The following CHIC1 variants were observed in gnomAD, a reference collection of about 807,000 sequenced individuals.
CHIC1 encodes the protein cysteine-rich hydrophobic domain-containing protein 1.
CHIC1 carries 7 observed loss-of-function variants against 18.5 expected under a neutral mutation model. That is an observed-to-expected ratio of 0.38 (90% CI 0.22 to 0.71). The LOEUF is 0.71. Among genes scored for constraint, CHIC1 ranks in the 30% least tolerant of loss-of-function variants. The pLI, the probability that CHIC1 is intolerant of heterozygous loss-of-function variation, is 0.49. For synonymous variants in CHIC1, 77 were observed against 73.5 expected, an observed-to-expected ratio of 1.05 and a Z score of -0.25; for missense variants, 159 against 176.9, an observed-to-expected ratio of 0.90 and a Z score of 0.57.
chrX:73,668,204 C>T (rs1279988145), intron 3 of CHIC1, among the ~76,000 whole-genome samples: 1 of 112,016 alleles, frequency 8.9e-6, no homozygotes, highest in Non-Finnish European at 1.9e-5. Flanking sequence ...TTTTTCAGGT[C>T]TAACATGTCA....
chrX:73,678,515 C>T (rs1346686224), intron 3 of CHIC1, among the ~76,000 whole-genome samples: 1 of 111,754 alleles, frequency 8.9e-6, no homozygotes, highest in African/African-American at 3.3e-5. Flanking sequence ...GGGGGGAGGA[C>T]GTAGGTGCTG....
At chrX:73,600,794 T>G (rs2057642696) in intron 3 of CHIC1, among the ~76,000 whole-genome samples, 1 of 107,085 alleles carries the variant, frequency 9.3e-6, no homozygotes, top group Non-Finnish European at 1.9e-5. Context: ...TCTAAAAGTG[T>G]GCTGTATTCA....
chrX:73,640,021 C>A (rs1176947624), intron 3 of CHIC1, among the ~76,000 whole-genome samples: 2 of 111,206 alleles, frequency 1.8e-5, no homozygotes, highest in Non-Finnish European at 1.9e-5. Context: ...CTCTTTATTT[C>A]CTTTTCTTAC....
chrX:73,570,116 G>A (rs1569499604), intron 1 of CHIC1, among the ~76,000 whole-genome samples: 1 of 111,606 alleles, frequency 9.0e-6, no homozygotes, highest in African/African-American at 3.2e-5. Flanking sequence ...TTGCCTTTAA[G>A]ATATTGATAT....
intron 3 of CHIC1, among the ~76,000 whole-genome samples, chrX:73,676,891 C>G (rs752926958): frequency 1.7e-4 from 19 of 111,203 alleles, no homozygotes; most frequent in Admixed American, 2.9e-4. Context: ...TGATGATGGT[C>G]ACGTACAGAT....
rs753380350 is a variant in CHIC1 at position 73,579,330 on chromosome X, A to C, written c.351+1869A>C. ...AGAGCTAAATGAGACAGCATATATA[A>C]AATTCCTAGTATTTTGTCATGTACT... On this transcript the variant is annotated intron_variant, in intron 2 of 5. Coordinates refer to ENST00000373502, the MANE Select transcript of CHIC1 (RefSeq NM_001039840.4). 3.6e-5 allele frequency among the ~76,000 whole-genome samples: 4 copies of C among 110,305 alleles called. No individual in the cohort carries two copies. The East Asian group carries it at 1.1e-3, about 32-fold the overall frequency.
rs1161925706 is a variant in CHIC1, at chrX:73,672,294, A to T, written c.508-7032A>T. ...TTTGGGTATATACCCAGTAATGGGA[A>T]GGCTGGGTCAAATGGTATTTCTAGT... On this transcript the variant is annotated intron_variant, in intron 3 of 5. Coordinates refer to ENST00000373502, the MANE Select transcript of CHIC1 (RefSeq NM_001039840.4). Among the ~76,000 whole-genome samples, 27 of 111,382 alleles carry T rather than the reference A, an allele frequency of 2.4e-4. 1 individual carries two copies. Among genetic ancestry groups the T allele is most frequent in the Middle Eastern group, 4.6e-3 (1 of 218 alleles).
At chrX:73,591,422 A>G (rs1434130815) in intron 3 of CHIC1, among the ~76,000 whole-genome samples, 4 of 110,373 alleles carry the variant, frequency 3.6e-5, no homozygotes, top group Admixed American at 1.9e-4. Context: ...TGTTTATGTT[A>G]TTATTGTTGA....
At chrX:73,675,257 C>G (rs1021032900) in intron 3 of CHIC1, among the ~76,000 whole-genome samples, 3 of 111,357 alleles carry the variant, frequency 2.7e-5, no homozygotes, top group Non-Finnish European at 5.6e-5. Flanking sequence ...CCACTTGGTG[C>G]AGAGCTGAGT....
chrX:73,592,283 CA>C (rs1029327168), intron 3 of CHIC1, among the ~76,000 whole-genome samples: 1 of 111,036 alleles, frequency 9.0e-6, no homozygotes, highest in African/African-American at 3.3e-5. Context: ...TTCCAGTTCT[CA>C]AAAAGGCTGG....
At chrX:73,665,787 G>A (rs1033750606) in intron 3 of CHIC1, among the ~76,000 whole-genome samples, 1 of 111,649 alleles carries the variant, frequency 9.0e-6, no homozygotes, top group African/African-American at 3.3e-5. Context: ...TTTTTGCCTG[G>A]TCGCATGGCT....
intron 3 of CHIC1, among the ~76,000 whole-genome samples, chrX:73,656,828 G>A (rs1012640455): frequency 2.7e-5 from 3 of 111,398 alleles, no homozygotes; most frequent in Admixed American, 9.5e-5. Context: ...GTTTTTCTAA[G>A]TCTGTGAAGA....
chrX:73,661,400 TG>T (rs1036952669), intron 3 of CHIC1, among the ~76,000 whole-genome samples: 3 of 112,318 alleles, frequency 2.7e-5, no homozygotes, highest in Non-Finnish European at 3.8e-5. Context: ...GCCTGTGAGC[TG>T]GCAATCTGGG....
In CHIC1 at chrX:73,636,308, G is replaced by A. The variant is rs767693441; in HGVS notation, c.508-43018G>A. ...ATATTTCTAAAAATGAGGTCTTACT[G>A]TGTTGTCCCAGCTGGAGTGAGGTGG... On this transcript the variant is annotated intron_variant, in intron 3 of 5. Transcript: ENST00000373502. Among the ~76,000 whole-genome samples, 6 of 111,174 alleles carry A rather than the reference G, an allele frequency of 5.4e-5. No homozygotes were observed. In the East Asian group the frequency reaches 1.7e-3, roughly 32 times the overall value.
chrX:73,563,271 C>G lies in CHIC1; in HGVS notation c.-14C>G. Reference sequence around the variant, plus strand: ...TCTTCTCCGGGAGCGTGGCGGCGATCGCGAGGTCACGTGATGAGCATCCTG... The same window carrying G: ...TCTTCTCCGGGAGCGTGGCGGCGATGGCGAGGTCACGTGATGAGCATCCTG... On this transcript the variant is annotated 5_prime_UTR_variant, in exon 1 of 6. It adds an upstream start codon to the 5' untranslated region. Coordinates refer to ENST00000373502, the MANE Select transcript of CHIC1 (RefSeq NM_001039840.4). The G allele has an allele frequency of 1.8e-6, 2 of 1,094,093 alleles. No homozygotes were observed. The highest frequency in any genetic ancestry group is 2.4e-6 in the Non-Finnish European group (2 of 835,381). 90.2% of individuals were successfully genotyped at this position (1,094,093 alleles called of 1,213,427 possible). A position where few individuals can be genotyped will look rare whatever the true frequency, so the allele number is the denominator to read the frequency against.
At chrX:73,566,257 C>G (rs1034242000) in intron 1 of CHIC1, among the ~76,000 whole-genome samples, 1 of 110,007 alleles carries the variant, frequency 9.1e-6, no homozygotes, top group Non-Finnish European at 1.9e-5. Context: ...TCTCCCTACT[C>G]CAGTCCATCC....
intron 3 of CHIC1, among the ~76,000 whole-genome samples, chrX:73,597,553 TTTATATATATAACATAA>T (rs1049776256): frequency 9.3e-6 from 1 of 107,145 alleles, no homozygotes; most frequent in African/African-American, 3.4e-5. Flanking sequence ...AAAATATATT[TTTATATATATAACATAA>T]TTATATATAT....
intron 3 of CHIC1, among the ~76,000 whole-genome samples, chrX:73,593,634 G>A (rs1203433804): frequency 9.0e-6 from 1 of 111,036 alleles, no homozygotes; most frequent in African/African-American, 3.3e-5. Context: ...CTTTATTTTT[G>A]CCTGACTGGC....
chrX:73,636,891 A>T (rs1230702051), intron 3 of CHIC1, among the ~76,000 whole-genome samples: 2 of 110,969 alleles, frequency 1.8e-5, no homozygotes, highest in Admixed American at 9.6e-5. Flanking sequence ...CAATTATTTT[A>T]TGTGTTTATC....
Sources: gnomAD v4.1 joint callset for allele counts (sites outside exome capture counted in the v4.1 genomes callset) on GRCh38, gnomAD v4.1.1 for gene constraint, MANE v1.5 for transcripts, NCBI Gene and HGNC (gene_info 2026-07-23, HGNC 2026-07-21) for gene names.